METTL25: variants seen among roughly 807,000 people sequenced by gnomAD.
METTL25 encodes the protein probable methyltransferase-like protein 25.
A neutral mutation model predicts 71.6 loss-of-function variants in METTL25; 64 were observed. The ratio of observed to expected loss-of-function variants is 0.89; its 90% confidence interval spans 0.73 to 1.10. METTL25 has a LOEUF of 1.10. Among genes scored for constraint, METTL25 ranks in the 50% least tolerant of loss-of-function variants. METTL25 has a pLI of 0.00. For synonymous variants in METTL25, 287 were observed against 250.3 expected, an observed-to-expected ratio of 1.15 and a Z score of -1.38; for missense variants, 807 against 707.0, an observed-to-expected ratio of 1.14 and a Z score of -1.60.
At chr12:82,385,485 G>A (rs1216134835) in intron 1 of METTL25, among the ~76,000 whole-genome samples, 1 of 152,266 alleles carries the variant, frequency 6.6e-6, no homozygotes, top group African/African-American at 2.4e-5. Flanking sequence ...CCTTTAAGAT[G>A]TGTGTTTTTT....
intron 1 of METTL25, among the ~76,000 whole-genome samples, chr12:82,362,026 G>T (rs544673038): frequency 1.3e-5 from 2 of 152,194 alleles, no homozygotes; most frequent in Non-Finnish European, 2.9e-5. Flanking sequence ...TTCCCAGAGC[G>T]CAATGCACAG....
chr12:82,458,895 A>G (rs911458477), intron 9 of METTL25, among the ~76,000 whole-genome samples: 1 of 152,140 alleles, frequency 6.6e-6, no homozygotes, highest in Non-Finnish European at 1.5e-5. Flanking sequence ...GCCACCCAAG[A>G]AAGGGTAAAA....
At chr12:82,387,400 AT>A (rs1230850327) in intron 2 of METTL25, among the ~76,000 whole-genome samples, 1 of 152,022 alleles carries the variant, frequency 6.6e-6, no homozygotes, top group Non-Finnish European at 1.5e-5. Context: ...AAAAACAAAT[AT>A]GATAATGTGG....
chr12:82,365,926 C>T (rs1882515283), intron 1 of METTL25, among the ~76,000 whole-genome samples: 1 of 151,968 alleles, frequency 6.6e-6, no homozygotes, highest in African/African-American at 2.4e-5. Context: ...ACTAAAAATA[C>T]AAAAAATCAG....
At chr12:82,409,869 T>C (rs1289004866) in intron 5 of METTL25, among the ~76,000 whole-genome samples, 1 of 152,118 alleles carries the variant, frequency 6.6e-6, no homozygotes, top group Non-Finnish European at 1.5e-5. Context: ...TTTGATGGTG[T>C]CTTTCAATCT....
intron 1 of METTL25, among the ~76,000 whole-genome samples, chr12:82,369,769 T>C (rs1883001891): frequency 4.3e-5 from 2 of 46,112 alleles, no homozygotes. Flanking sequence ...TGCTGATTGG[T>C]CCATTTTACA....
chr12:82,457,916 T>C (rs1462549096), intron 9 of METTL25, among the ~76,000 whole-genome samples: 2 of 152,148 alleles, frequency 1.3e-5, no homozygotes, highest in East Asian at 1.9e-4. Flanking sequence ...TTCATTCACC[T>C]GACTGATCTT....
At chr12:82,373,897 G>A (rs10862482) in intron 1 of METTL25, 129,550 of 152,646 alleles carry the variant, frequency 0.85, 55,356 homozygotes, top group East Asian at 1. Context: ...ATAGGTGCCC[G>A]GTATTAGCCC....
chr12:82,464,227 T>A (rs1374653595), intron 9 of METTL25, among the ~76,000 whole-genome samples: 1 of 151,858 alleles, frequency 6.6e-6, no homozygotes, highest in African/African-American at 2.4e-5. Context: ...TTTCTCCTAG[T>A]AGTTTTGTTG....
In METTL25 at chr12:82,397,980, A is replaced by G. The variant is rs549103671; in HGVS notation, c.532-815A>G. On this transcript the variant is annotated intron_variant, in intron 3 of 11. Transcript: ENST00000248306. Reference sequence around the variant, plus strand: ...GCATTTTTGCCTTATTTTTTAAATCATAATATCTACTTATCAATTTCTTTA... The same window carrying G: ...GCATTTTTGCCTTATTTTTTAAATCGTAATATCTACTTATCAATTTCTTTA... 2.6e-5 allele frequency among the ~76,000 whole-genome samples: 4 copies of G among 152,162 alleles called. No individual in the cohort carries two copies. In the South Asian group the frequency reaches 6.2e-4, roughly 24 times the overall value.
chr12:82,459,386 G>A (rs1891707470), intron 9 of METTL25, among the ~76,000 whole-genome samples: 1 of 152,168 alleles, frequency 6.6e-6, no homozygotes, highest in South Asian at 2.1e-4. Flanking sequence ...CCAACACTTT[G>A]GACGGCCAAG....
intron 5 of METTL25, among the ~76,000 whole-genome samples, chr12:82,404,884 C>T (rs1025833545): frequency 1.3e-5 from 2 of 151,428 alleles, no homozygotes; most frequent in African/African-American, 2.4e-5. Context: ...GCACAGGTTG[C>T]AGTGAGCCAA....
intron 1 of METTL25, chr12:82,374,144 C>T (rs368958866): frequency 6.1e-6 from 1 of 165,074 alleles, no homozygotes; most frequent in South Asian, 1.9e-4. Flanking sequence ...AGAGTTTCTT[C>T]CTTCTGGTGG....
At chr12:82,444,939 C>T (rs1013750200) in intron 8 of METTL25, among the ~76,000 whole-genome samples, 7 of 152,154 alleles carry the variant, frequency 4.6e-5, no homozygotes, top group Admixed American at 2.0e-4. Context: ...CCTGGAACAA[C>T]ACAGAGTTGA....
chr12:82,469,555 C>T (rs1031670864), intron 9 of METTL25, among the ~76,000 whole-genome samples: 4 of 151,958 alleles, frequency 2.6e-5, no homozygotes, highest in African/African-American at 9.7e-5. Flanking sequence ...GATTCAATTA[C>T]CTCCCACCAG....
intron 1 of METTL25, among the ~76,000 whole-genome samples, chr12:82,361,492 C>T (rs899721085): frequency 3.9e-5 from 6 of 152,132 alleles, no homozygotes; most frequent in African/African-American, 1.4e-4. Flanking sequence ...GAGGCTTGGG[C>T]TACGCAGGAG....
chr12:82,476,499 C>T (rs1430877910), intron 9 of METTL25, 145 bp from the exon 10 acceptor site: 1 of 602,060 alleles, frequency 1.7e-6, no homozygotes, highest in Non-Finnish European at 2.9e-6. Context: ...TCTTGACTTG[C>T]TTCATGAATA....
intron 5 of METTL25, among the ~76,000 whole-genome samples, chr12:82,414,465 G>A (rs542179841): frequency 1.3e-5 from 2 of 152,080 alleles, no homozygotes; most frequent in East Asian, 3.9e-4. Context: ...TCTTTAATTT[G>A]CACCTCGTTA....
intron 7 of METTL25, 125 bp downstream of exon 7, chr12:82,434,849 A>G (rs769969097): frequency 1.2e-5 from 10 of 811,716 alleles, no homozygotes; most frequent in Non-Finnish European, 1.8e-5. Flanking sequence ...TGCATATTCA[A>G]ATTTGTGCAT....
Sources: allele counts gnomAD v4.1 joint callset (sites outside exome capture counted in the v4.1 genomes callset), GRCh38; gene constraint gnomAD v4.1.1; transcripts MANE v1.5; gene names NCBI Gene and HGNC (gene_info 2026-07-23, HGNC 2026-07-21).